The following LGSN variants were observed in gnomAD, a reference collection of about 807,000 sequenced individuals.
LGSN encodes the protein lengsin.
In LGSN, 21 loss-of-function variants were observed where a neutral mutation model predicts 19.5. The observed-to-expected ratio is 1.07, with a 90% confidence interval of 0.76 to 1.55. The LOEUF is 1.55. Ranked by LOEUF, LGSN falls within the 40% of genes most tolerant of loss-of-function variation. LGSN has a pLI of 0.00. For missense variants in LGSN, 673 were observed against 608.5 expected (o/e 1.11, Z -1.12); for synonymous variants, 257 against 215.6 (o/e 1.19, Z -1.68).
At chr6:63,407,715 A>G in the LGSN span, among the ~76,000 whole-genome samples, 6 of 152,312 alleles carry the variant, frequency 3.9e-5, no homozygotes, top group Admixed American at 2.6e-4. Context: ...AGGGTATTCA[A>G]TTAGGAAAAG....
At chr6:63,295,316 G>C (rs1485242300) in intron 1 of LGSN, among the ~76,000 whole-genome samples, 1 of 151,976 alleles carries the variant, frequency 6.6e-6, no homozygotes, top group Non-Finnish European at 1.5e-5. Context: ...AATTACTCAA[G>C]ATTTCTATGT....
At chr6:63,290,645 C>T (rs1562008430) in intron 2 of LGSN, among the ~76,000 whole-genome samples, 1 of 152,210 alleles carries the variant, frequency 6.6e-6, no homozygotes, top group Non-Finnish European at 1.5e-5. Flanking sequence ...GGCAGGCAAC[C>T]TCTACTTCAC....
the LGSN span, among the ~76,000 whole-genome samples, chr6:63,516,931 G>T: frequency 6.6e-6 from 1 of 152,120 alleles, no homozygotes. Flanking sequence ...CTCTGCCACC[G>T]TATCATATCA....
At chr6:63,512,947 A>G in the LGSN span, among the ~76,000 whole-genome samples, 1 of 152,332 alleles carries the variant, frequency 6.6e-6, no homozygotes, top group East Asian at 1.9e-4. Flanking sequence ...CAAGACAGAT[A>G]CGTATTTGTA....
the LGSN span, among the ~76,000 whole-genome samples, chr6:63,364,266 A>G: frequency 6.6e-6 from 1 of 152,158 alleles, no homozygotes; most frequent in Non-Finnish European, 1.5e-5. Context: ...AAACAAACAA[A>G]AAAAAAACGG....
chr6:63,528,427 CTT>C, the LGSN span, among the ~76,000 whole-genome samples: 6 of 144,616 alleles, frequency 4.1e-5, no homozygotes, highest in Non-Finnish European at 7.6e-5. Context: ...GAATCTCTGT[CTT>C]TTTTTTTTTT....
At chr6:63,572,279 G>A in the LGSN span, 18 of 177,612 alleles carry the variant, frequency 1.0e-4, no homozygotes, top group African/African-American at 4.3e-4. Context: ...TCCCTCCCCC[G>A]CCCCGGGGAT....
chr6:63,364,626 A>G, the LGSN span, among the ~76,000 whole-genome samples: 1 of 152,224 alleles, frequency 6.6e-6, no homozygotes, highest in East Asian at 1.9e-4. Flanking sequence ...AAATCAACAG[A>G]ATATACATTC....
chr6:63,301,539 G>T (rs1458290980), intron 1 of LGSN, among the ~76,000 whole-genome samples: 1 of 152,112 alleles, frequency 6.6e-6, no homozygotes, highest in Non-Finnish European at 1.5e-5. Context: ...AATCTTGTGT[G>T]TTCAAAAGCT....
chr6:63,328,094 G>T, the LGSN span, among the ~76,000 whole-genome samples: 4 of 152,148 alleles, frequency 2.6e-5, no homozygotes, highest in Non-Finnish European at 1.5e-5. Flanking sequence ...CAGTTCTAAG[G>T]CTCGGGTAAG....
At chr6:63,335,438 G>A in the LGSN span, among the ~76,000 whole-genome samples, 2 of 151,926 alleles carry the variant, frequency 1.3e-5, no homozygotes, top group Non-Finnish European at 2.9e-5. Context: ...CAAAGCACAA[G>A]CAACAAAAAC....
the LGSN span, among the ~76,000 whole-genome samples, chr6:63,470,954 T>G: frequency 9.0e-6 from 1 of 110,866 alleles, no homozygotes; most frequent in Non-Finnish European, 2.1e-5. Flanking sequence ...TTTTTTTTTT[T>G]TTTGAGACAG....
At chr6:63,432,148 A>AGG in the LGSN span, among the ~76,000 whole-genome samples, 13 of 122,348 alleles carry the variant, frequency 1.1e-4, no homozygotes, top group Non-Finnish European at 1.6e-4. Flanking sequence ...AAAGAAAGAA[A>AGG]GAAAGAAAGA....
At chr6:63,482,471 A>G in the LGSN span, among the ~76,000 whole-genome samples, 4 of 152,312 alleles carry the variant, frequency 2.6e-5, no homozygotes, top group East Asian at 7.8e-4. Flanking sequence ...GCTCACGCCT[A>G]TAATCCCAAC....
At chr6:63,412,572 AAGG>A in the LGSN span, among the ~76,000 whole-genome samples, 1,036 of 126,680 alleles carry the variant, frequency 8.2e-3, 43 homozygotes, top group African/African-American at 0.026. Context: ...GAAAGAAAGG[AAGG>A]AAGGAAAGAA....
chr6:63,317,700 C>A (rs1043244981), intron 1 of LGSN, among the ~76,000 whole-genome samples: 10 of 152,134 alleles, frequency 6.6e-5, no homozygotes, highest in Non-Finnish European at 2.9e-5. Context: ...CCTCTTGAAG[C>A]AAGCCTCTAG....
the LGSN span, chr6:63,572,127 G>A: frequency 6.6e-6 from 1 of 152,346 alleles, no homozygotes; most frequent in Non-Finnish European, 1.5e-5. Flanking sequence ...CATGTGACAT[G>A]TGTGCACTCC....
At chr6:63,483,106 T>C in the LGSN span, among the ~76,000 whole-genome samples, 1 of 152,222 alleles carries the variant, frequency 6.6e-6, no homozygotes, top group African/African-American at 2.4e-5. Context: ...CTATTGGGAA[T>C]GCTTTCAGCA....
At chr6:63,400,559 A>T in the LGSN span, among the ~76,000 whole-genome samples, 252 of 152,384 alleles carry the variant, frequency 1.7e-3, no homozygotes, top group Non-Finnish European at 2.9e-3. Context: ...GTTTCTGTCA[A>T]TGTTGCAATG....
Sources: gnomAD v4.1 joint callset for allele counts (sites outside exome capture counted in the v4.1 genomes callset) on GRCh38, gnomAD v4.1.1 for gene constraint, MANE v1.5 for transcripts, NCBI Gene and HGNC (gene_info 2026-07-23, HGNC 2026-07-21) for gene names.